The following MRPS6 variants were observed in gnomAD, a reference collection of about 807,000 sequenced individuals.
The protein encoded by MRPS6 is mitochondrial ribosomal protein S6.
In MRPS6, 6 loss-of-function variants were observed where a neutral mutation model predicts 13.1. The observed-to-expected ratio is 0.46, with a 90% CI of 0.25 to 0.91. The LOEUF is 0.91. Ranked by LOEUF, MRPS6 falls within the 40% of genes least tolerant of loss-of-function variation. The pLI, the probability that MRPS6 is intolerant of heterozygous loss-of-function variation, is 0.18. For synonymous variants in MRPS6, 61 were observed against 56.5 expected (o/e 1.08, Z -0.36); for missense variants, 164 against 155.6 (o/e 1.05, Z -0.29).
chr21:34,103,566 A>T, intron 1 of MRPS6: 1 of 1,000,222 alleles, frequency 1.0e-6, no homozygotes, highest in Non-Finnish European at 1.2e-6. Context: ...TAAAGTCCAT[A>T]GAAAGCACAA....
At chr21:34,101,840 C>T (rs1382253294) in intron 1 of MRPS6, 1 of 997,790 alleles carries the variant, frequency 1.0e-6, no homozygotes, top group Admixed American at 6.2e-5. Flanking sequence ...AATAAAAGCA[C>T]TGTTTTATTC....
At chr21:34,098,691 G>A (rs1317925465) in intron 1 of MRPS6, 2 of 999,702 alleles carry the variant, frequency 2.0e-6, no homozygotes, top group Non-Finnish European at 2.4e-6. Context: ...CTTGTGGAGG[G>A]TATTACAGGA....
At chr21:34,107,641 A>T (rs1373826421) in intron 1 of MRPS6, among the ~76,000 whole-genome samples, 1 of 152,016 alleles carries the variant, frequency 6.6e-6, no homozygotes, top group South Asian at 2.1e-4. Flanking sequence ...GATGGGGAGG[A>T]TACTGTACTC....
chr21:34,116,158 C>T (rs1292046935), intron 1 of MRPS6, among the ~76,000 whole-genome samples: 2 of 148,766 alleles, frequency 1.3e-5, no homozygotes, highest in South Asian at 2.2e-4. Flanking sequence ...ACAGGTGTGT[C>T]CCACCATGCC....
intron 1 of MRPS6, among the ~76,000 whole-genome samples, chr21:34,082,205 G>A (rs1989475129): frequency 6.6e-6 from 1 of 152,164 alleles, no homozygotes; most frequent in African/African-American, 2.4e-5. Flanking sequence ...TAGCATTTAT[G>A]TTGACAAAGC....
chr21:34,094,664 A>G (rs1412801546), intron 1 of MRPS6, among the ~76,000 whole-genome samples: 2 of 152,222 alleles, frequency 1.3e-5, no homozygotes, highest in African/African-American at 2.4e-5. Context: ...TCAAAATGAT[A>G]ATATTCTCAC....
intron 1 of MRPS6, among the ~76,000 whole-genome samples, chr21:34,080,817 CTA>C (rs1313061878): frequency 1.3e-5 from 2 of 152,214 alleles, no homozygotes; most frequent in African/African-American, 4.8e-5. Context: ...ACTCTCATCT[CTA>C]TAAAACAGTT....
intron 1 of MRPS6, chr21:34,122,708 G>GT (rs920006328): frequency 2.7e-5 from 4 of 145,998 alleles, no homozygotes; most frequent in South Asian, 2.1e-4. Context: ...TCAATCAAAT[G>GT]TTTTTTTCCT....
chr21:34,075,226 C>G (rs764977741), intron 1 of MRPS6, among the ~76,000 whole-genome samples: 2 of 152,152 alleles, frequency 1.3e-5, no homozygotes, highest in African/African-American at 4.8e-5. Flanking sequence ...TGTTTACTTT[C>G]CTTGTCTTGG....
At chr21:34,077,044 C>A (rs1193802997) in intron 1 of MRPS6, among the ~76,000 whole-genome samples, 2 of 152,276 alleles carry the variant, frequency 1.3e-5, no homozygotes, top group South Asian at 4.1e-4. Context: ...AGGTCTATAT[C>A]CACCTCCACC....
chr21:34,077,166 G>A (rs2044048962), intron 1 of MRPS6, among the ~76,000 whole-genome samples: 1 of 152,204 alleles, frequency 6.6e-6, no homozygotes, highest in Non-Finnish European at 1.5e-5. Flanking sequence ...GGTTTCACTT[G>A]ATAATTAGAT....
intron 2 of MRPS6, among the ~76,000 whole-genome samples, chr21:34,133,085 A>G (rs561196195): frequency 2.6e-5 from 4 of 152,230 alleles, no homozygotes; most frequent in South Asian, 4.1e-4. Context: ...CCTTTCCTCA[A>G]TTGCCACACG....
intron 1 of MRPS6, chr21:34,105,185 T>C (rs1979421199): frequency 1.0e-6 from 1 of 1,000,288 alleles, no homozygotes; most frequent in African/African-American, 1.7e-5. Context: ...GTTTATAGAT[T>C]GCCAGCAGAG....
At chr21:34,093,884 C>T (rs1264442603) in intron 1 of MRPS6, among the ~76,000 whole-genome samples, 2 of 152,062 alleles carry the variant, frequency 1.3e-5, no homozygotes, top group Non-Finnish European at 2.9e-5. Flanking sequence ...TCTAATGGTC[C>T]ACAAATGTCT....
chr21:34,142,256 T>C lies in MRPS6; in HGVS notation c.186-152T>C, dbSNP rs546573499. 1.4e-5 allele frequency: 10 copies of C among 715,114 alleles called. No homozygotes were observed. The South Asian group carries it at 4.3e-4, about 31-fold the overall frequency. The allele number at this position is 715,114 out of a possible 1,614,324, so 44.3% of individuals were successfully genotyped here. A position where few individuals can be genotyped will look rare whatever the true frequency, so the allele number is the denominator to read the frequency against. On this transcript the variant is annotated intron_variant, in intron 2 of 2. Transcript: ENST00000399312. ...CAATTCTGTTTAGCTGGTCAGCTGG[T>C]AGTTTCTATTTTGACAAGGTTATGT...
In MRPS6 at chr21:34,098,469, T is replaced by C. The variant is rs1471257811; in HGVS notation, c.45+24724T>C. The C allele has an allele frequency of 4.0e-6, 4 of 1,000,160 alleles. No homozygotes were observed. The African/African-American group carries it at 7.0e-5, about 17-fold the overall frequency. The allele number at this position is 1,000,160 out of a possible 1,614,324, so 62.0% of individuals were successfully genotyped here. A position where few individuals can be genotyped will look rare whatever the true frequency, so the allele number is the denominator to read the frequency against. On this transcript the variant is annotated intron_variant, in intron 1 of 2. Coordinates refer to ENST00000399312, the MANE Select transcript of MRPS6 (RefSeq NM_032476.4). ...CTTGATAAGTTTTTCCCTGATTTTT[T>C]TTTTCCTCAAAAGACTTTCCATCTG...
rs1232257187 is a variant in MRPS6, at chr21:34,096,047, G to A, written c.45+22302G>A. 1 of 1,614,142 alleles carries A rather than the reference G, an allele frequency of 6.2e-7. No individual in the cohort carries two copies. Among genetic ancestry groups the A allele is most frequent in the Non-Finnish European group, 8.5e-7 (1 of 1,180,002 alleles). On this transcript the variant is annotated intron_variant, in intron 1 of 2. Transcript: ENST00000399312. This position sits in a 1 kb window ranked among gnomAD's most constrained non-coding sequence, Gnocchi z 5.9. ...ACTGGTGTGCTGACCAAGTCATCGT[G>A]CAGAGGGTCCTTGCAGCCAAAAACA...
intron 1 of MRPS6, chr21:34,097,767 C>G: frequency 1.0e-6 from 1 of 1,001,768 alleles, no homozygotes; most frequent in East Asian, 1.1e-4. Flanking sequence ...TCTGTAATCC[C>G]TCCTACCATT....
chr21:34,133,381 G>A (rs2123267415), intron 2 of MRPS6, among the ~76,000 whole-genome samples: 1 of 152,332 alleles, frequency 6.6e-6, no homozygotes, highest in South Asian at 2.1e-4. Flanking sequence ...TTAGTGGGCA[G>A]TTGAGTTGGT....
Sources: allele counts gnomAD v4.1 joint callset (sites outside exome capture counted in the v4.1 genomes callset), GRCh38; gene constraint gnomAD v4.1.1; non-coding constraint Gnocchi (gnomAD v3.1); transcripts MANE v1.5; gene names NCBI Gene and HGNC (gene_info 2026-07-23, HGNC 2026-07-21).